The following PDE8B variants were observed in gnomAD, a reference collection of about 807,000 sequenced individuals.
PDE8B encodes high affinity cAMP-specific and IBMX-insensitive 3',5'-cyclic phosphodiesterase 8B.
A neutral mutation model predicts 101.3 loss-of-function variants in PDE8B; 26 were observed. That is an observed-to-expected ratio of 0.26 (90% CI 0.19 to 0.36). The LOEUF is 0.36. Ranked by LOEUF, PDE8B falls within the 10% of genes least tolerant of loss-of-function variation. PDE8B has a pLI of 1.00. For synonymous variants in PDE8B, 424 were observed against 429.3 expected (o/e 0.99, Z 0.15); for missense variants, 810 against 1,163.1 (o/e 0.70, Z 4.42).
intron 10 of PDE8B, among the ~76,000 whole-genome samples, chr5:77,378,047 C>T (rs989807382): frequency 8.2e-5 from 8 of 97,076 alleles, no homozygotes; most frequent in African/African-American, 2.3e-4. Flanking sequence ...CACACACACA[C>T]ACCCCCTGTT....
At chr5:77,277,227 A>G (rs898694192) in intron 1 of PDE8B, among the ~76,000 whole-genome samples, 4 of 152,206 alleles carry the variant, frequency 2.6e-5, no homozygotes, top group Middle Eastern at 3.2e-3. Context: ...ACCTGCATAC[A>G]TTCTTTTTAT....
chr5:77,392,590 T>C (rs776994343), intron 10 of PDE8B, among the ~76,000 whole-genome samples: 1 of 152,186 alleles, frequency 6.6e-6, no homozygotes, highest in Non-Finnish European at 1.5e-5. Context: ...TTGGGAATCT[T>C]TGAGGCCTTC....
At chr5:77,167,314 C>A in the PDE8B span, among the ~76,000 whole-genome samples, 3 of 152,214 alleles carry the variant, frequency 2.0e-5, no homozygotes, top group African/African-American at 4.8e-5. Flanking sequence ...GGTTGTACAC[C>A]AGACCATGTC....
intron 1 of PDE8B, among the ~76,000 whole-genome samples, chr5:77,258,568 A>ATT (rs1385562688): frequency 6.6e-5 from 10 of 152,208 alleles, no homozygotes; most frequent in African/African-American, 2.4e-4. Flanking sequence ...CACACTTTAA[A>ATT]AAACAGGCTG....
intron 10 of PDE8B, among the ~76,000 whole-genome samples, chr5:77,385,843 C>T (rs1452629334): frequency 1.6e-5 from 2 of 128,684 alleles, no homozygotes; most frequent in African/African-American, 3.0e-5. Flanking sequence ...TGTCGCAGTG[C>T]AATGGCACGA....
chr5:77,255,189 G>A (rs1758848729), intron 1 of PDE8B, among the ~76,000 whole-genome samples: 1 of 152,210 alleles, frequency 6.6e-6, no homozygotes, highest in African/African-American at 2.4e-5. Flanking sequence ...CTCTTTTTGG[G>A]GGTGATTTTC....
chr5:77,152,999 C>T, the PDE8B span, among the ~76,000 whole-genome samples: 1 of 152,158 alleles, frequency 6.6e-6, no homozygotes, highest in African/African-American at 2.4e-5. Flanking sequence ...AGGTGATTCC[C>T]CTCCCAGGGG....
In PDE8B at chr5:77,407,386, A is replaced by G. The variant is rs765604396; in HGVS notation, c.1294A>G (p.Ser432Gly). 2 of 1,613,896 alleles carry G rather than the reference A, an allele frequency of 1.2e-6. No individual in the cohort carries two copies. The highest frequency in any genetic ancestry group is 1.7e-6 in the Non-Finnish European group (2 of 1,179,810). ...SISSRGSDAP[S>G]LQNRRYPSMA... ...CTTTCTTGCCTTCTCTCCAGCACCA[A>G]GCCTGCAGAATCGTCGCTATCCGTC... Residue 432 changes from serine (S) to glycine (G), a missense_variant, in exon 13 of 22, where the codon AGC (serine) becomes GGC (glycine). Ser to Gly is a moderately conservative substitution (Grantham distance 56, BLOSUM62 0). Around this residue, in one of 4 missense-constraint regions of PDE8B, gnomAD observed 75 missense variants for 76.9 expected, o/e 0.98. Transcript: ENST00000264917.
chr5:77,168,829 TC>T, the PDE8B span, among the ~76,000 whole-genome samples: 1 of 152,180 alleles, frequency 6.6e-6, no homozygotes, highest in East Asian at 1.9e-4. Context: ...CTCCACCTCG[TC>T]CCTGCAGACC....
rs528736858 is a variant in PDE8B at position 77,271,985 on chromosome 5, G to A, written c.340-40009G>A. On this transcript the variant is annotated intron_variant, in intron 1 of 21. Transcript: ENST00000264917. Reference sequence around the variant, plus strand: ...AACAGTACCACCTGGGAGCCCATTAGAAATGTCAACTCTCAGCCACATCCT... The same window carrying A: ...AACAGTACCACCTGGGAGCCCATTAAAAATGTCAACTCTCAGCCACATCCT... 1.9e-3 allele frequency among the ~76,000 whole-genome samples: 285 copies of A among 152,300 alleles called. 1 individual carries two copies. Among genetic ancestry groups the A allele is most frequent in the Non-Finnish European group, 2.9e-3 (199 of 68,024 alleles).
chr5:77,418,951 G>C lies in PDE8B; in HGVS notation c.2129+505G>C, dbSNP rs545975274. On this transcript the variant is annotated intron_variant, in intron 18 of 21. Coordinates refer to ENST00000264917, the MANE Select transcript of PDE8B (RefSeq NM_003719.5). ...CAGCACCTTGCAGTCAGGCTTGTGG[G>C]TATTTCCCACACAGCACCAGCCAGG... 5.3e-5 allele frequency among the ~76,000 whole-genome samples: 8 copies of C among 152,222 alleles called. No individual in the cohort carries two copies. In the East Asian group the frequency reaches 1.6e-3, roughly 30 times the overall value.
At chr5:77,305,522 G>A (rs1436991005) in intron 1 of PDE8B, among the ~76,000 whole-genome samples, 1 of 152,180 alleles carries the variant, frequency 6.6e-6, no homozygotes, top group Non-Finnish European at 1.5e-5. Context: ...TGGCAGGGGA[G>A]AGAGGGTGGG....
chr5:77,210,366 CGGCGGGAGG>C (rs952480829), upstream of PDE8B: 22 of 130,362 alleles, frequency 1.7e-4, no homozygotes, highest in Admixed American at 6.4e-4. This position sits in a 1 kb window ranked among gnomAD's most constrained non-coding sequence, Gnocchi z 4.9. Context: ...GCTCCGGGAG[CGGCGGGAGG>C]GGCGGAGGGG....
chr5:77,165,914 A>G, the PDE8B span, among the ~76,000 whole-genome samples: 150,780 of 150,932 alleles, frequency 1, 75,314 homozygotes, highest in East Asian at 1. Flanking sequence ...GCTGAGGCAG[A>G]AGAATCACGA....
chr5:77,161,565 T>C, the PDE8B span, among the ~76,000 whole-genome samples: 1 of 152,196 alleles, frequency 6.6e-6, no homozygotes, highest in Admixed American at 6.5e-5. Context: ...GACTTCTGAG[T>C]ACAAATCCTT....
rs1748469375 is a variant in PDE8B, at chr5:77,211,742, A to G, written c.339+478A>G. On this transcript the variant is annotated intron_variant, in intron 1 of 21. Transcript: ENST00000264917. The surrounding 1 kb of genome is among the most constrained non-coding windows in gnomAD (Gnocchi z 4.1). ...CGATTTTTACCTGGGATTACCAGCC[A>G]GGCTGGAGTCTCAGCACAGGAACCG... Among the ~76,000 whole-genome samples, 1 of 152,220 alleles carries G rather than the reference A, an allele frequency of 6.6e-6. No individual in the cohort carries two copies. The highest frequency in any genetic ancestry group is 1.5e-5 in the Non-Finnish European group (1 of 68,032).
At chr5:77,387,552 C>G (rs1199455190) in intron 10 of PDE8B, among the ~76,000 whole-genome samples, 1 of 152,102 alleles carries the variant, frequency 6.6e-6, no homozygotes, top group Non-Finnish European at 1.5e-5. Flanking sequence ...CTTGGGGTGT[C>G]TTGGGGTTGC....
chr5:77,425,023 A>C (rs1341147037), intron 20 of PDE8B, among the ~76,000 whole-genome samples: 2 of 152,180 alleles, frequency 1.3e-5, no homozygotes, highest in Non-Finnish European at 2.9e-5. Context: ...ATGTGGCAGC[A>C]AATAATATAA....
At chr5:77,365,866 A>T (rs896037487) in intron 10 of PDE8B, among the ~76,000 whole-genome samples, 7 of 152,178 alleles carry the variant, frequency 4.6e-5, no homozygotes, top group Non-Finnish European at 8.8e-5. Flanking sequence ...GTGCTTCCGT[A>T]GGGGTAGATG....
Sources: gnomAD v4.1 joint callset for allele counts (sites outside exome capture counted in the v4.1 genomes callset) on GRCh38, gnomAD v4.1.1 for gene constraint, gnomAD v4.1.1 regional missense constraint, Gnocchi (gnomAD v3.1) non-coding constraint, MANE v1.5 for transcripts, NCBI Gene and HGNC (gene_info 2026-07-23, HGNC 2026-07-21) for gene names.